FRMPD3: variants seen among roughly 807,000 people sequenced by gnomAD.
FRMPD3 encodes the protein FERM and PDZ domain containing 3, also known as FERM and PDZ domain-containing protein 3.
Under a neutral mutation model 97.9 loss-of-function variants are expected in FRMPD3, and 42 were observed. That is an observed-to-expected ratio of 0.43 (90% confidence interval 0.34 to 0.55). The LOEUF is 0.55. FRMPD3 is among the 20% of genes least tolerant of loss of function. FRMPD3 has a pLI of 0.03. For synonymous variants in FRMPD3, 577 were observed against 581.1 expected, an observed-to-expected ratio of 0.99 and a Z score of 0.10; for missense variants, 1,303 against 1,457.7, an observed-to-expected ratio of 0.89 and a Z score of 1.73.
chrX:107,465,888 A>T (rs761647917), intron 1 of FRMPD3, among the ~76,000 whole-genome samples: 1 of 112,158 alleles, frequency 8.9e-6, no homozygotes, highest in African/African-American at 3.2e-5. Flanking sequence ...AAAAAGAAAA[A>T]AAAAATCCGT....
In FRMPD3 at chrX:107,603,451, AGT is replaced by A. The variant is rs1215935286; in HGVS notation, c.*89_*90del. Reference sequence around the variant, plus strand: ...TTTGTGGTCCTTGCATCTTGTGGTGAGTGTGTGTGTGTCTGCTGGGCCAGTCA... The same window carrying A: ...TTTGTGGTCCTTGCATCTTGTGGTGAGTGTGTGTGTCTGCTGGGCCAGTCA... On this transcript the variant is annotated 3_prime_UTR_variant, in exon 15 of 15. Coordinates refer to ENST00000683843, the MANE Select transcript of FRMPD3 (RefSeq NM_001388459.1). 2.7e-6 allele frequency: 3 copies of A among 1,103,792 alleles called. No homozygotes were observed. The highest frequency in any genetic ancestry group is 1.2e-6 in the Non-Finnish European group (1 of 842,844). The allele number at this position is 1,103,792 out of a possible 1,213,427, so 91.0% of individuals were successfully genotyped here. A position where few individuals can be genotyped will look rare whatever the true frequency, so the allele number is the denominator to read the frequency against.
chrX:107,530,266 C>A, intron 2 of FRMPD3, 143 bp from the exon 3 acceptor site: 1 of 467,029 alleles, frequency 2.1e-6, no homozygotes, highest in Non-Finnish European at 3.8e-6. Context: ...CGAATAGCAC[C>A]CTCTACACCA....
At position 107,601,579 on chromosome X, in the gene FRMPD3, G is replaced by A. The variant is rs1415930252; in HGVS notation, c.3540G>A (p.Arg1180=). Residue 1180 remains arginine (R), a synonymous_variant, in exon 15 of 15, where the codon CGG becomes CGA. Transcript: ENST00000683843. ...CACTGAGGTCTCAGGCTGCCAGCCGGCAGGTGAGCACCATGCCCTCTAGGA... is the reference window on the plus strand; with the variant it reads ...CACTGAGGTCTCAGGCTGCCAGCCGACAGGTGAGCACCATGCCCTCTAGGA... ...QSPLRSQAAS[R]QVSTMPSRKL... 1.7e-6 allele frequency: 2 copies of A among 1,203,087 alleles called. No individual in the cohort carries two copies. Among genetic ancestry groups the A allele is most frequent in the African/African-American group, 3.5e-5 (2 of 56,912 alleles).
At chrX:107,541,184 C>T (rs750048973) in intron 4 of FRMPD3, among the ~76,000 whole-genome samples, 44 of 113,145 alleles carry the variant, frequency 3.9e-4, no homozygotes, top group African/African-American at 1.3e-3. Context: ...CATTTTGACC[C>T]GGGCCTTCCC....
chrX:107,476,240 A>G (rs1921199113), intron 1 of FRMPD3, among the ~76,000 whole-genome samples: 1 of 112,240 alleles, frequency 8.9e-6, no homozygotes, highest in Admixed American at 9.4e-5. Context: ...TGTGGACTGA[A>G]CTCAGACCAT....
Position 107,601,801 on chromosome X carries a change from A to G in FRMPD3, c.3762A>G (p.Leu1254=). ...QYELEFLEEL[L]KPPSQGELPG... ...AACTGGAGTTCCTTGAGGAACTTCT[A>G]AAGCCACCAAGCCAGGGGGAGCTGC... Residue 1254 remains leucine, a synonymous_variant, in exon 15 of 15, where the codon CTA becomes CTG. Coordinates refer to ENST00000683843, the MANE Select transcript of FRMPD3 (RefSeq NM_001388459.1). 3 of 1,210,888 alleles carry G rather than the reference A, an allele frequency of 2.5e-6. No homozygotes were observed. The highest frequency in any genetic ancestry group is 2.2e-6 in the Non-Finnish European group (2 of 895,331).
intron 1 of FRMPD3, among the ~76,000 whole-genome samples, chrX:107,514,137 G>T (rs1229039446): frequency 9.0e-6 from 1 of 111,402 alleles, no homozygotes; most frequent in Non-Finnish European, 1.9e-5. Flanking sequence ...AAAGACCTTG[G>T]TGTGTTGAGA....
Position 107,603,058 on chromosome X carries a change from C to T in FRMPD3, c.5019C>T (p.Phe1673=), listed in dbSNP as rs753672650. Residue 1673 remains phenylalanine (F), a synonymous_variant, in exon 15 of 15, where the codon TTC becomes TTT. Coordinates refer to ENST00000683843, the MANE Select transcript of FRMPD3 (RefSeq NM_001388459.1). The part of the protein sequence containing the change: ...FQVLSSLIET[F]VRLVFIVRSE... The stretch of plus-strand genomic sequence containing the variant: ...TGCTGAGCAGCCTCATTGAGACCTT[C>T]GTGCGGCTGGTGTTCATTGTGCGCT... 8.3e-6 allele frequency: 10 copies of T among 1,209,453 alleles called. No individual in the cohort carries two copies. Among genetic ancestry groups the T allele is most frequent in the East Asian group, 5.9e-5 (2 of 33,766 alleles).
chrX:107,588,159 G>A (rs945614165), intron 13 of FRMPD3, among the ~76,000 whole-genome samples: 1 of 111,486 alleles, frequency 9.0e-6, no homozygotes, highest in Non-Finnish European at 1.9e-5. Flanking sequence ...AGGTGACCTG[G>A]CCTTTCTTTC....
intron 1 of FRMPD3, among the ~76,000 whole-genome samples, chrX:107,455,046 A>C (rs1002748606): frequency 8.9e-6 from 1 of 111,897 alleles, no homozygotes; most frequent in African/African-American, 3.3e-5. Flanking sequence ...AGGATCTCCT[A>C]AACGTACCTT....
chrX:107,528,173 A>T (rs764545909), intron 2 of FRMPD3, among the ~76,000 whole-genome samples: 2 of 111,826 alleles, frequency 1.8e-5, no homozygotes, highest in Non-Finnish European at 3.8e-5. Context: ...GCCCTATAAA[A>T]GCCCTATAAA....
chrX:107,466,318 G>A (rs1402401348), intron 1 of FRMPD3, among the ~76,000 whole-genome samples: 1 of 112,578 alleles, frequency 8.9e-6, no homozygotes, highest in African/African-American at 3.2e-5. Context: ...AGGGAATGCT[G>A]GAGACCAGCT....
At chrX:107,549,957 C>T in intron 5 of FRMPD3, 92 bp from the exon 6 acceptor site, 2 of 571,643 alleles carry the variant, frequency 3.5e-6, no homozygotes, top group Non-Finnish European at 6.0e-6. Flanking sequence ...GTCTCCATCA[C>T]CTTTTCTCTC....
At chrX:107,483,968 A>G (rs1921440184) in intron 1 of FRMPD3, among the ~76,000 whole-genome samples, 1 of 111,497 alleles carries the variant, frequency 9.0e-6, no homozygotes, top group African/African-American at 3.3e-5. Context: ...TTATGTCCAC[A>G]TAGTGCCCTA....
intron 1 of FRMPD3, among the ~76,000 whole-genome samples, chrX:107,518,609 A>G (rs1235606510): frequency 8.9e-6 from 1 of 112,567 alleles, no homozygotes; most frequent in Non-Finnish European, 1.9e-5. Flanking sequence ...CAAACTGTGG[A>G]GAAATTGGAA....
intron 1 of FRMPD3, among the ~76,000 whole-genome samples, chrX:107,502,554 T>C (rs1921937965): frequency 9.0e-6 from 1 of 111,333 alleles, no homozygotes; most frequent in South Asian, 3.8e-4. Flanking sequence ...CCTCCACCCC[T>C]GCTGCCTACT....
intron 1 of FRMPD3, among the ~76,000 whole-genome samples, chrX:107,472,539 AC>A (rs1471983211): frequency 9.0e-6 from 1 of 110,822 alleles, no homozygotes; most frequent in African/African-American, 3.3e-5. Flanking sequence ...AAAAAAGAAA[AC>A]CATAATAAGT....
chrX:107,543,708 C>G (rs1182797939), intron 4 of FRMPD3, among the ~76,000 whole-genome samples: 1 of 108,694 alleles, frequency 9.2e-6, no homozygotes, highest in Non-Finnish European at 1.9e-5. Flanking sequence ...CCCAGCTACT[C>G]GGGAGACTGA....
At chrX:107,548,624 T>C (rs369690411) in intron 5 of FRMPD3, among the ~76,000 whole-genome samples, 1 of 112,850 alleles carries the variant, frequency 8.9e-6, no homozygotes, top group South Asian at 3.6e-4. Context: ...AAGACAAATA[T>C]CCTTCAAAAA....
Sources: allele counts gnomAD v4.1 joint callset (sites outside exome capture counted in the v4.1 genomes callset), GRCh38; gene constraint gnomAD v4.1.1; transcripts MANE v1.5; gene names NCBI Gene and HGNC (gene_info 2026-07-23, HGNC 2026-07-21).